The following RMST variants were observed in gnomAD, a reference collection of about 807,000 sequenced individuals.
RMST encodes long intergenic non-protein coding RNA 54.
chr12:97,541,148 A>G (rs1882487244), intron 11 of RMST: 1 of 151,684 alleles, frequency 6.6e-6, no homozygotes, highest in East Asian at 1.9e-4. Flanking sequence ...TAACAGTTAT[A>G]CAACACTTCA....
chr12:97,506,988 A>G (rs923892091), intron 10 of RMST, among the ~76,000 whole-genome samples: 3 of 152,072 alleles, frequency 2.0e-5, no homozygotes, highest in Non-Finnish European at 2.9e-5. Flanking sequence ...GGCCAGAGGA[A>G]TCATTCTAAG....
intron 5 of RMST, among the ~76,000 whole-genome samples, chr12:97,484,015 C>G (rs1191062213): frequency 6.6e-6 from 1 of 152,114 alleles, no homozygotes; most frequent in Non-Finnish European, 1.5e-5. Flanking sequence ...TGCTAATATT[C>G]TGAAGATACT....
chr12:97,533,520 G>A (rs567072878), intron 11 of RMST: 4 of 151,900 alleles, frequency 2.6e-5, no homozygotes, highest in East Asian at 1.9e-4. Flanking sequence ...AGAAGCTAAC[G>A]AATTATTTGC....
chr12:97,547,953 T>A (rs1053810904), intron 11 of RMST, among the ~76,000 whole-genome samples: 4 of 152,134 alleles, frequency 2.6e-5, no homozygotes, highest in Admixed American at 6.6e-5. Flanking sequence ...GGTCACATTT[T>A]AAAAAAATTT....
chr12:97,480,095 T>TTC (rs35173376), intron 5 of RMST, among the ~76,000 whole-genome samples: 57,935 of 134,600 alleles, frequency 0.43, 12,394 homozygotes, highest in Middle Eastern at 0.57. Flanking sequence ...TTTTCTTTTT[T>TTC]TTTCTTTTTT....
chr12:97,501,112 C>T (rs1470906433), intron 10 of RMST, among the ~76,000 whole-genome samples: 1 of 152,176 alleles, frequency 6.6e-6, no homozygotes, highest in Non-Finnish European at 1.5e-5. Context: ...GAGCACTTGT[C>T]TAGGACTGTG....
intron 10 of RMST, among the ~76,000 whole-genome samples, chr12:97,527,734 T>A (rs1881253571): frequency 6.6e-6 from 1 of 152,164 alleles, no homozygotes. Flanking sequence ...TTAACTGAAG[T>A]CCTCCATATC....
intron 10 of RMST, among the ~76,000 whole-genome samples, chr12:97,512,227 T>C (rs775141389): frequency 6.6e-6 from 1 of 152,068 alleles, no homozygotes; most frequent in Non-Finnish European, 1.5e-5. Flanking sequence ...TCCCGGTGGG[T>C]TCATGGTCCC....
At chr12:97,518,282 T>G (rs1880143914) in intron 10 of RMST, among the ~76,000 whole-genome samples, 1 of 152,196 alleles carries the variant, frequency 6.6e-6, no homozygotes, top group Non-Finnish European at 1.5e-5. Context: ...TTAAGAGAAC[T>G]GAAACTATTG....
chr12:97,537,407 TTTACTC>T (rs1172343791), intron 11 of RMST, among the ~76,000 whole-genome samples: 1 of 151,434 alleles, frequency 6.6e-6, no homozygotes, highest in Admixed American at 6.6e-5. Context: ...ATTTAGGAAT[TTTACTC>T]TGTCTGCATG....
chr12:97,542,591 T>G (rs947453472), intron 11 of RMST, among the ~76,000 whole-genome samples: 1 of 151,878 alleles, frequency 6.6e-6, no homozygotes, highest in Non-Finnish European at 1.5e-5. Flanking sequence ...GCAATTTAAA[T>G]AGGACCAGAG....
At chr12:97,478,505 G>T (rs940728301) in intron 5 of RMST, among the ~76,000 whole-genome samples, 4 of 152,176 alleles carry the variant, frequency 2.6e-5, no homozygotes, top group African/African-American at 9.6e-5. Flanking sequence ...AAGTCTCAAA[G>T]CTATTTATAC....
At chr12:97,510,894 T>C (rs1879210149) in intron 10 of RMST, among the ~76,000 whole-genome samples, 1 of 152,188 alleles carries the variant, frequency 6.6e-6, no homozygotes, top group Admixed American at 6.5e-5. Flanking sequence ...AGTTGATTTG[T>C]CATTGTGCAA....
intron 5 of RMST, among the ~76,000 whole-genome samples, chr12:97,466,123 A>G (rs1593105224): frequency 6.6e-6 from 1 of 152,192 alleles, no homozygotes; most frequent in South Asian, 2.1e-4. Context: ...TTTACGAAGT[A>G]CCAATTTTCT....
intron 10 of RMST, among the ~76,000 whole-genome samples, chr12:97,507,671 G>C (rs1878850902): frequency 6.6e-6 from 1 of 152,194 alleles, no homozygotes; most frequent in South Asian, 2.1e-4. Context: ...TCCTGGTGGA[G>C]ATCTCCAGAG....
intron 5 of RMST, among the ~76,000 whole-genome samples, chr12:97,480,405 A>G (rs1875135395): frequency 6.6e-6 from 1 of 152,140 alleles, no homozygotes; most frequent in African/African-American, 2.4e-5. Flanking sequence ...TCGTGAATCC[A>G]TCTGCAAGGC....
At chr12:97,554,583 A>G (rs775587648) in intron 11 of RMST, among the ~76,000 whole-genome samples, 5 of 152,316 alleles carry the variant, frequency 3.3e-5, no homozygotes, top group South Asian at 2.1e-4. Context: ...TTGAAGATTC[A>G]CAAAATGTTA....
chr12:97,506,686 T>G (rs1026099271), intron 10 of RMST, among the ~76,000 whole-genome samples: 1 of 144,562 alleles, frequency 6.9e-6, no homozygotes, highest in African/African-American at 2.6e-5. Context: ...TTTTTTTTTT[T>G]TTTTTTTTTT....
intron 5 of RMST, among the ~76,000 whole-genome samples, chr12:97,468,648 G>C (rs1242246390): frequency 6.6e-6 from 1 of 151,942 alleles, no homozygotes; most frequent in Non-Finnish European, 1.5e-5. Flanking sequence ...AACACACAGT[G>C]GTCAGGAACA....
Sources: gnomAD v4.1 joint callset for allele counts (sites outside exome capture counted in the v4.1 genomes callset) on GRCh38, gnomAD v4.1.1 for gene constraint, MANE v1.5 for transcripts, NCBI Gene and HGNC (gene_info 2026-07-23, HGNC 2026-07-21) for gene names.